The following RFC1 variants were observed in gnomAD, a reference collection of about 807,000 sequenced individuals.
RFC1 encodes replication factor C subunit 1.
Under a neutral mutation model 137.4 loss-of-function variants are expected in RFC1, and 37 were observed. The observed-to-expected ratio is 0.27, with a 90% confidence interval of 0.21 to 0.35. The LOEUF is 0.35. RFC1 is among the 10% of genes least tolerant of loss of function. RFC1 has a pLI of 1.00. For synonymous variants in RFC1, 429 were observed against 455.7 expected, an observed-to-expected ratio of 0.94 and a Z score of 0.75; for missense variants, 1,205 against 1,358.5, an observed-to-expected ratio of 0.89 and a Z score of 1.78.
chr4:39,313,471 G>A (rs1739069226), intron 10 of RFC1, among the ~76,000 whole-genome samples: 1 of 152,124 alleles, frequency 6.6e-6, no homozygotes, highest in South Asian at 2.1e-4. Flanking sequence ...CACCACATTA[G>A]TGATCAGAAA....
At chr4:39,345,318 T>A (rs1159441174) in intron 3 of RFC1, 83 bp downstream of exon 3, 1 of 1,206,766 alleles carries the variant, frequency 8.3e-7, no homozygotes, top group Admixed American at 2.1e-5. Context: ...ACCGCACCCA[T>A]CCTTAGAACA....
At chr4:39,350,099 T>C (rs1369348214) in intron 2 of RFC1, among the ~76,000 whole-genome samples, 1 of 151,816 alleles carries the variant, frequency 6.6e-6, no homozygotes, top group African/African-American at 2.4e-5. Flanking sequence ...AATTCTAGAA[T>C]TAAAAAATAC....
chr4:39,310,905 G>A (rs1463692445), intron 12 of RFC1, among the ~76,000 whole-genome samples: 6 of 152,156 alleles, frequency 3.9e-5, no homozygotes, highest in South Asian at 2.1e-4. Context: ...ACTTTGGGAC[G>A]CTGAAGTGGG....
At chr4:39,357,044 G>A (rs932931351) in intron 1 of RFC1, among the ~76,000 whole-genome samples, 2 of 152,124 alleles carry the variant, frequency 1.3e-5, no homozygotes, top group African/African-American at 4.8e-5. Context: ...TTTGATGCTT[G>A]GGATAAACAA....
chr4:39,297,876 G>A (rs1451094442), intron 21 of RFC1, among the ~76,000 whole-genome samples: 1 of 152,136 alleles, frequency 6.6e-6, no homozygotes, highest in Non-Finnish European at 1.5e-5. Context: ...TTCTCCTACT[G>A]CTAGACATGG....
chr4:39,292,401 T>G (rs966831562), intron 22 of RFC1, among the ~76,000 whole-genome samples: 1 of 152,156 alleles, frequency 6.6e-6, no homozygotes, highest in Non-Finnish European at 1.5e-5. Context: ...AATCAAAAAG[T>G]GATCCACAGT....
At chr4:39,337,436 GT>G (rs1740411698) in intron 4 of RFC1, among the ~76,000 whole-genome samples, 1 of 2,458 alleles carries the variant, frequency 4.1e-4, no homozygotes, top group East Asian at 0.033. Context: ...ACTCAAATAA[GT>G]GTGTGTGTGT....
chr4:39,310,476 T>C (rs1339654848), intron 12 of RFC1, among the ~76,000 whole-genome samples: 2 of 152,230 alleles, frequency 1.3e-5, no homozygotes, highest in Non-Finnish European at 2.9e-5. Flanking sequence ...ATGGACCATC[T>C]TGCCATTTGG....
intron 3 of RFC1, 69 bp from the exon 4 acceptor site, chr4:39,342,536 A>T: frequency 5.4e-6 from 8 of 1,484,844 alleles, no homozygotes; most frequent in Non-Finnish European, 6.4e-6. Context: ...TGTTTAAAGT[A>T]GTCACGGTGA....
At chr4:39,359,360 T>C (rs1741634927) in intron 1 of RFC1, among the ~76,000 whole-genome samples, 1 of 152,186 alleles carries the variant, frequency 6.6e-6, no homozygotes, top group South Asian at 2.1e-4. Flanking sequence ...GATATATATA[T>C]ACAATGGAAT....
chr4:39,317,104 T>C, intron 9 of RFC1, 82 bp from the exon 10 acceptor site: 1 of 814,834 alleles, frequency 1.2e-6, no homozygotes, highest in Non-Finnish European at 2.0e-6. Flanking sequence ...AAATAAACAT[T>C]ATTTTTATTG....
At chr4:39,338,978 G>A (rs933714555) in intron 4 of RFC1, among the ~76,000 whole-genome samples, 3 of 152,026 alleles carry the variant, frequency 2.0e-5, no homozygotes, top group Admixed American at 1.3e-4. Flanking sequence ...TTAAGAGTCC[G>A]CATTATAAGT....
intron 1 of RFC1, among the ~76,000 whole-genome samples, chr4:39,361,852 T>C (rs1486660791): frequency 6.6e-6 from 1 of 152,082 alleles, no homozygotes; most frequent in East Asian, 1.9e-4. Flanking sequence ...ATCGAGACCA[T>C]GGTAAAACCC....
chr4:39,361,774 C>T (rs922624286), intron 1 of RFC1, among the ~76,000 whole-genome samples: 10 of 152,040 alleles, frequency 6.6e-5, no homozygotes, highest in African/African-American at 1.9e-4. Context: ...TCCAGCTGGG[C>T]GCGGTGGCTC....
intron 4 of RFC1, among the ~76,000 whole-genome samples, chr4:39,335,710 G>T (rs143693797): frequency 9.2e-5 from 14 of 152,218 alleles, no homozygotes; most frequent in African/African-American, 3.4e-4. Context: ...CATAAAACGG[G>T]CAATATAAGG....
In RFC1 at chr4:39,351,269, A is replaced by C. The variant is rs1741184037; in HGVS notation, c.132+79T>G. 4 of 648,308 alleles carry C rather than the reference A, an allele frequency of 6.2e-6. 1 individual carries two copies. The highest frequency in any genetic ancestry group is 1.5e-4 in the East Asian group (2 of 13,132). The allele number at this position is 648,308 out of a possible 1,614,324, so 40.2% of individuals were successfully genotyped here. On this transcript the variant is annotated intron_variant, in intron 2 of 24. Transcript: ENST00000349703. Reference sequence around the variant, plus strand: ...CTGTCTCAGGAAAAAAAAAAAAAAAAAAAAAAAAAAAAAAAACTTATAAGA... The same window carrying C: ...CTGTCTCAGGAAAAAAAAAAAAAAACAAAAAAAAAAAAAAAACTTATAAGA...
chr4:39,327,396 C>G (rs977954175), intron 5 of RFC1, 128 bp downstream of exon 5: 19 of 509,834 alleles, frequency 3.7e-5, no homozygotes, highest in Admixed American at 2.4e-4. Context: ...ACATTTTATC[C>G]ATAATCATAG....
intron 15 of RFC1, among the ~76,000 whole-genome samples, chr4:39,303,740 CA>C (rs1738493235): frequency 6.6e-6 from 1 of 152,238 alleles, no homozygotes; most frequent in Non-Finnish European, 1.5e-5. Context: ...AGGCGTGAGC[CA>C]ACATGCCCAG....
Position 39,288,513 on chromosome 4 carries a change from A to T in RFC1, c.*248T>A. The T allele has an allele frequency of 3.0e-6, 1 of 335,108 alleles. No homozygotes were observed. The highest frequency in any genetic ancestry group is 5.4e-6 in the Non-Finnish European group (1 of 185,606). The allele number at this position is 335,108 out of a possible 1,614,324, so 20.8% of individuals were successfully genotyped here. On this transcript the variant is annotated 3_prime_UTR_variant, in exon 25 of 25. Coordinates refer to ENST00000349703, the MANE Select transcript of RFC1 (RefSeq NM_002913.5). ...AGTTCCAATTCTACAGTCATTCAGA[A>T]GCACGTCTAACTAGATTGACAGAGG...
Sources: gnomAD v4.1 joint callset for allele counts (sites outside exome capture counted in the v4.1 genomes callset) on GRCh38, gnomAD v4.1.1 for gene constraint, MANE v1.5 for transcripts, NCBI Gene and HGNC (gene_info 2026-07-23, HGNC 2026-07-21) for gene names.